Variants in FBXO11 observed in about 807,000 individuals in gnomAD.
FBXO11 encodes F-box only protein 11.
FBXO11 carries 13 observed loss-of-function variants against 117.0 expected under a neutral mutation model. The observed-to-expected ratio is 0.11, with a 90% CI of 0.07 to 0.18. The LOEUF (loss-of-function observed/expected upper bound fraction) is 0.18. FBXO11 is among the 10% of genes least tolerant of loss of function. FBXO11 has a pLI of 1.00. For missense variants in FBXO11, 767 were observed against 1,164.4 expected, an observed-to-expected ratio of 0.66 and a Z score of 4.97; for synonymous variants, 490 against 380.5, an observed-to-expected ratio of 1.29 and a Z score of -3.35.
Position 47,813,434 on chromosome 2 carries a change from T to TATTTTTATTTATTTA in FBXO11, c.2084-58_2084-57insTAAATAAATAAAAAT. 9 of 1,022,904 alleles carry TATTTTTATTTATTTA rather than the reference T, an allele frequency of 8.8e-6. No homozygotes were observed. The African/African-American group carries it at 1.4e-4, about 15-fold the overall frequency. 63.4% of individuals were successfully genotyped at this position (1,022,904 alleles called of 1,614,324 possible). On this transcript the variant is annotated intron_variant, in intron 17 of 22. Coordinates refer to ENST00000403359, the MANE Select transcript of FBXO11 (RefSeq NM_001190274.2). ...GGTATATTTCTTTTTAATTTTTTTT[T>TATTTTTATTTATTTA]TTTTTTTTTTTTTTGAGACAGAGTC...
At chr2:47,816,101 C>T (rs1178603718) in intron 16 of FBXO11, among the ~76,000 whole-genome samples, 2 of 152,218 alleles carry the variant, frequency 1.3e-5, no homozygotes, top group Non-Finnish European at 2.9e-5. Flanking sequence ...TGGGTTGCAC[C>T]TCTGCCAGTA....
rs761846592 is a variant in FBXO11, at chr2:47,808,343, A to G, written c.2640T>C (p.Phe880=). ...KKCHQGHDVE[F]IRHDRFFCDC... ...GTGCTACATACCTATCATGTCTAAT[A>G]AACTCTACATCATGTCCCTGATGGC... The change falls in exon 22 of 23, where the codon TTT becomes TTC. Residue 880 remains phenylalanine, a synonymous_variant. Coordinates refer to ENST00000403359, the MANE Select transcript of FBXO11 (RefSeq NM_001190274.2). 19 of 1,612,372 alleles carry G rather than the reference A, an allele frequency of 1.2e-5. No individual in the cohort carries two copies. The South Asian group carries it at 1.9e-4, about 16-fold the overall frequency.
chr2:47,886,769 TAC>T (rs947226668), intron 1 of FBXO11, among the ~76,000 whole-genome samples: 5 of 152,072 alleles, frequency 3.3e-5, no homozygotes, highest in Admixed American at 1.3e-4. Flanking sequence ...TACAAAATAA[TAC>T]ACACAGTACG....
chr2:47,837,141 T>C (rs943066403), intron 4 of FBXO11: 9 of 178,906 alleles, frequency 5.0e-5, no homozygotes, highest in South Asian at 1.9e-4. Flanking sequence ...ACTGGAGTAA[T>C]GGCTAACTAT....
intron 1 of FBXO11, among the ~76,000 whole-genome samples, chr2:47,858,867 C>T (rs977091071): frequency 3.5e-4 from 53 of 150,258 alleles, no homozygotes; most frequent in African/African-American, 1.0e-3. Flanking sequence ...GGTGAAACCC[C>T]GTCTCTACTA....
intron 13 of FBXO11, among the ~76,000 whole-genome samples, chr2:47,820,877 G>GT (rs1671330242): frequency 6.6e-6 from 1 of 152,210 alleles, no homozygotes; most frequent in African/African-American, 2.4e-5. Context: ...AAAGCTTTAT[G>GT]TAAGTATTAA....
intron 1 of FBXO11, among the ~76,000 whole-genome samples, chr2:47,889,702 T>G (rs564433009): frequency 6.6e-6 from 1 of 152,044 alleles, no homozygotes; most frequent in East Asian, 1.9e-4. Flanking sequence ...CCTAATAAAT[T>G]GACAGTGACT....
intron 1 of FBXO11, among the ~76,000 whole-genome samples, chr2:47,897,538 A>G (rs538658258): frequency 6.6e-6 from 1 of 152,212 alleles, no homozygotes; most frequent in African/African-American, 2.4e-5. Context: ...CTCTACTGAA[A>G]ATACAAAAAT....
chr2:47,821,023 A>G lies in FBXO11; in HGVS notation c.1703-567T>C, dbSNP rs61474216. 1.0e-3 allele frequency among the ~76,000 whole-genome samples: 158 copies of G among 152,358 alleles called. 1 individual carries two copies. Among genetic ancestry groups the G allele is most frequent in the Admixed American group, 2.3e-3 (35 of 15,306 alleles). ...AATATTTTCTTTCTCTAATTAGCAC[A>G]AAGTATATTAAACTACCACAGAAAC... On this transcript the variant is annotated intron_variant, in intron 13 of 22. Coordinates refer to ENST00000403359, the MANE Select transcript of FBXO11 (RefSeq NM_001190274.2).
intron 1 of FBXO11, among the ~76,000 whole-genome samples, chr2:47,901,600 TA>T (rs1401319468): frequency 1.3e-5 from 2 of 152,126 alleles, no homozygotes; most frequent in African/African-American, 4.8e-5. Context: ...AATTTTATTT[TA>T]TTTATTATTT....
Position 47,905,596 on chromosome 2 carries a change from T to C in FBXO11, c.125A>G (p.Gln42Arg), listed in dbSNP as rs975859124. The C allele has an allele frequency of 3.9e-6, 5 of 1,294,186 alleles. No homozygotes were observed. Among genetic ancestry groups the C allele is most frequent in the Non-Finnish European group, 4.9e-6 (5 of 1,022,262 alleles). The allele number at this position is 1,294,186 out of a possible 1,614,324, so 80.2% of individuals were successfully genotyped here. The change falls in exon 1 of 23, where the codon CAG becomes CGG. Residue 42 changes from glutamine (Q) to arginine (R), a missense_variant. Around this residue, in one of 10 missense-constraint regions of FBXO11, gnomAD observed 355 missense variants for 299.8 expected, o/e 1.18. Transcript: ENST00000403359. The stretch of plus-strand genomic sequence containing the variant: ...CTGCGGCGGCGGCGGAGGCTGCTGC[T>C]GGGGCGGCTGCTGCTGGGGCGGCTG... ...PPQPPQQQPP[Q>R]QQPPPPPQQQ...
chr2:47,839,013 G>C lies in FBXO11; in HGVS notation c.443-10C>G. 1.2e-6 allele frequency: 2 copies of C among 1,601,006 alleles called. No homozygotes were observed. Among genetic ancestry groups the C allele is most frequent in the Non-Finnish European group, 1.7e-6 (2 of 1,174,044 alleles). ...TGTTCAGCAGGTGCTGCTATAAAGA[G>C]ATTAACATATAAACTATCATTCGAG... On this transcript the variant is annotated splice_polypyrimidine_tract_variant and intron_variant, in intron 3 of 22. Coordinates refer to ENST00000403359, the MANE Select transcript of FBXO11 (RefSeq NM_001190274.2).
At chr2:47,813,143 A>T (rs1035271245) in intron 18 of FBXO11, 91 bp downstream of exon 18, 2 of 1,278,628 alleles carry the variant, frequency 1.6e-6, no homozygotes, top group Admixed American at 1.7e-5. Flanking sequence ...TCACTCATTT[A>T]TAACTTAGTT....
At position 47,834,248 on chromosome 2, in the gene FBXO11, G is replaced by C. The variant is rs150614936; in HGVS notation, c.934+331C>G. ...GCCTATAATCCCAGCTACTTGAGAG[G>C]TTGAGGCATGAGAATTGCTTGAACC... is the stretch of plus-strand genomic sequence containing the variant. On this transcript the variant is annotated intron_variant, in intron 7 of 22. Transcript: ENST00000403359. 1.5e-3 allele frequency among the ~76,000 whole-genome samples: 225 copies of C among 152,232 alleles called. 1 individual carries two copies. The highest frequency in any genetic ancestry group is 2.5e-3 in the Non-Finnish European group (168 of 68,020).
intron 1 of FBXO11, among the ~76,000 whole-genome samples, chr2:47,892,768 A>G (rs889255323): frequency 6.6e-6 from 1 of 152,220 alleles, no homozygotes; most frequent in South Asian, 2.1e-4. Flanking sequence ...TGAATGTAAC[A>G]GCCAAAACAA....
At chr2:47,869,014 A>T (rs528042227) in intron 1 of FBXO11, among the ~76,000 whole-genome samples, 2 of 152,336 alleles carry the variant, frequency 1.3e-5, no homozygotes, top group East Asian at 1.9e-4. Flanking sequence ...CCTTTTGAAG[A>T]TTCAGTTACA....
At chr2:47,852,713 G>C (rs1673965901) in intron 1 of FBXO11, among the ~76,000 whole-genome samples, 1 of 152,188 alleles carries the variant, frequency 6.6e-6, no homozygotes, top group African/African-American at 2.4e-5. Context: ...ACTGCTAACA[G>C]TGTACCTAAC....
intron 1 of FBXO11, among the ~76,000 whole-genome samples, chr2:47,884,701 GGTATTTTTGAA>G (rs147907652): frequency 0.071 from 10,865 of 152,132 alleles, 548 homozygotes; most frequent in Non-Finnish European, 0.11. Context: ...TGTAACTTCA[GGTATTTTTGAA>G]GTATTTTTTA....
At chr2:47,824,376 T>C (rs969701940) in intron 11 of FBXO11, among the ~76,000 whole-genome samples, 2 of 151,910 alleles carry the variant, frequency 1.3e-5, no homozygotes, top group African/African-American at 4.8e-5. Flanking sequence ...CCTATAAGCC[T>C]AGTTACTAGG....
Sources: gnomAD v4.1 joint callset for allele counts (sites outside exome capture counted in the v4.1 genomes callset) on GRCh38, gnomAD v4.1.1 for gene constraint, gnomAD v4.1.1 regional missense constraint, MANE v1.5 for transcripts, NCBI Gene and HGNC (gene_info 2026-07-23, HGNC 2026-07-21) for gene names.